Variants in HMG20A observed in about 807,000 individuals in gnomAD.
HMG20A encodes the protein high mobility group 20A, also known as high mobility group protein 20A.
Under a neutral mutation model 43.9 loss-of-function variants are expected in HMG20A, and 17 were observed. The ratio of observed to expected loss-of-function variants is 0.39; its 90% CI spans 0.27 to 0.58. The LOEUF (loss-of-function observed/expected upper bound fraction) is 0.58, where lower values mean the gene tolerates loss of function less well. Among genes scored for constraint, HMG20A ranks in the 20% least tolerant of loss-of-function variants. The pLI, the probability that HMG20A is intolerant of heterozygous loss-of-function variation, is 0.59. For missense variants in HMG20A, 341 were observed against 438.2 expected (o/e 0.78, Z 1.98); for synonymous variants, 132 against 147.5 (o/e 0.89, Z 0.76).
chr15:77,495,952 G>A, the HMG20A span, among the ~76,000 whole-genome samples: 6 of 152,140 alleles, frequency 3.9e-5, no homozygotes, highest in South Asian at 2.1e-4. Flanking sequence ...GCTGCCTCAC[G>A]TCCTGAACCT....
At chr15:77,477,532 G>A (rs1301697904) in intron 6 of HMG20A, 23 bp from the exon 7 acceptor site, 2 of 1,540,242 alleles carry the variant, frequency 1.3e-6, no homozygotes, top group Admixed American at 1.7e-5. Context: ...AGAATTAACT[G>A]TTTTGTTCCT....
chr15:77,520,036 T>C, the HMG20A span, among the ~76,000 whole-genome samples: 3 of 152,040 alleles, frequency 2.0e-5, no homozygotes, highest in Admixed American at 2.0e-4. Context: ...CCGTCTCTAC[T>C]AAAACTACAA....
At position 77,485,240 on chromosome 15, in the gene HMG20A, TGCTCAGTGA is replaced by T. The variant is rs1381527851; in HGVS notation, c.*2279_*2287del. 1 of 152,676 alleles carries T rather than the reference TGCTCAGTGA, an allele frequency of 6.5e-6. No individual in the cohort carries two copies. Among genetic ancestry groups the T allele is most frequent in the Non-Finnish European group, 1.5e-5 (1 of 68,052 alleles). 9.5% of individuals were successfully genotyped at this position (152,676 alleles called of 1,614,324 possible). A position where few individuals can be genotyped will look rare whatever the true frequency, so the allele number is the denominator to read the frequency against. ...TCTGTGCCACCTCCTCTCTCCTCTGTGCTCAGTGAGGAGGCAGTAAATGAAGTTACAGGC... is the reference window on the plus strand; with the variant it reads ...TCTGTGCCACCTCCTCTCTCCTCTGTGGAGGCAGTAAATGAAGTTACAGGC... On this transcript the variant is annotated 3_prime_UTR_variant, in exon 10 of 10. Coordinates refer to ENST00000336216, the MANE Select transcript of HMG20A (RefSeq NM_001304504.2).
At chr15:77,456,446 C>T (rs1448695214) in intron 1 of HMG20A, among the ~76,000 whole-genome samples, 4 of 151,876 alleles carry the variant, frequency 2.6e-5, no homozygotes, top group African/African-American at 7.3e-5. Flanking sequence ...TTTGGGAGGC[C>T]GAAGTGGGCG....
At chr15:77,462,107 A>G (rs2072710177) in intron 2 of HMG20A, among the ~76,000 whole-genome samples, 1 of 152,164 alleles carries the variant, frequency 6.6e-6, no homozygotes, top group Non-Finnish European at 1.5e-5. Flanking sequence ...GTTTTCATCC[A>G]TTTCTCGGTC....
chr15:77,464,597 T>C (rs1287279948), intron 3 of HMG20A: 1 of 422,616 alleles, frequency 2.4e-6, no homozygotes, highest in African/African-American at 2.0e-5. Flanking sequence ...CCCTGTTCCC[T>C]AAGAAATGTA....
intron 6 of HMG20A, among the ~76,000 whole-genome samples, chr15:77,475,487 G>A (rs1292957425): frequency 6.6e-6 from 1 of 152,218 alleles, no homozygotes; most frequent in African/African-American, 2.4e-5. Context: ...GACTTTGGAG[G>A]AGAGGGATCT....
At chr15:77,510,501 A>G in the HMG20A span, among the ~76,000 whole-genome samples, 3 of 152,206 alleles carry the variant, frequency 2.0e-5, no homozygotes, top group African/African-American at 4.8e-5. Flanking sequence ...AGGAAGCTGT[A>G]CTCAGCTAAG....
chr15:77,494,427 G>T, the HMG20A span, among the ~76,000 whole-genome samples: 1 of 152,084 alleles, frequency 6.6e-6, no homozygotes, highest in Non-Finnish European at 1.5e-5. Flanking sequence ...CACCATACCC[G>T]GCCCCTACTG....
the HMG20A span, among the ~76,000 whole-genome samples, chr15:77,507,892 G>A: frequency 6.6e-6 from 1 of 150,948 alleles, no homozygotes; most frequent in Non-Finnish European, 1.5e-5. Context: ...GGGCGGTGCT[G>A]AGCGTAGGTC....
intron 1 of HMG20A, 114 bp from the exon 2 acceptor site, chr15:77,458,289 GT>G: frequency 1.5e-6 from 1 of 655,018 alleles, no homozygotes; most frequent in East Asian, 2.8e-5. Flanking sequence ...ATTTAGGTCA[GT>G]TTTTATTCTG....
chr15:77,436,676 C>G (rs2073552419), intron 1 of HMG20A, among the ~76,000 whole-genome samples: 1 of 152,068 alleles, frequency 6.6e-6, no homozygotes, highest in African/African-American at 2.4e-5. Flanking sequence ...CCAGGCTTGT[C>G]TCAAACTCCC....
chr15:77,511,292 T>TAC, the HMG20A span, among the ~76,000 whole-genome samples: 1 of 151,990 alleles, frequency 6.6e-6, no homozygotes, highest in African/African-American at 2.4e-5. Context: ...CACACACAAA[T>TAC]ACACACACAC....
Position 77,470,977 on chromosome 15 carries a change from CAG to C in HMG20A, c.521_522del (p.Glu174GlyfsTer7). 6.2e-7 allele frequency: 1 copy of C among 1,613,230 alleles called. No individual in the cohort carries two copies. The highest frequency in any genetic ancestry group is 8.5e-7 in the Non-Finnish European group (1 of 1,179,614). On this transcript the variant is annotated frameshift_variant, in exon 5 of 10. Transcript: ENST00000336216. LOFTEE classifies it high-confidence loss of function. ...AAGGAACTGGAACAGTATCAGAAAACAGAGGCCTACAAGGTCTTCAGTAGGAA... is the reference window on the plus strand; with the variant it reads ...AAGGAACTGGAACAGTATCAGAAAACAGGCCTACAAGGTCTTCAGTAGGAA...
intron 3 of HMG20A, among the ~76,000 whole-genome samples, chr15:77,465,772 T>C (rs2072751638): frequency 6.6e-6 from 1 of 152,246 alleles, no homozygotes; most frequent in African/African-American, 2.4e-5. Context: ...TGGTGAATTA[T>C]ACCATTTTAT....
intron 1 of HMG20A, among the ~76,000 whole-genome samples, chr15:77,441,153 G>T (rs1213756864): frequency 2.0e-5 from 3 of 151,992 alleles, no homozygotes; most frequent in Non-Finnish European, 2.9e-5. Context: ...TCATTTATAG[G>T]ATAAGAAAAC....
chr15:77,431,314 C>T (rs1479092079), intron 1 of HMG20A, among the ~76,000 whole-genome samples: 2 of 152,074 alleles, frequency 1.3e-5, no homozygotes, highest in Admixed American at 6.6e-5. Context: ...TGTGTTCAAG[C>T]GATTCTCCTG....
At chr15:77,470,185 G>A (rs943567926) in intron 4 of HMG20A, among the ~76,000 whole-genome samples, 2 of 152,108 alleles carry the variant, frequency 1.3e-5, no homozygotes, top group Non-Finnish European at 2.9e-5. Context: ...TTCTGAGTGT[G>A]TTTTCTGTTC....
rs889172637 is a variant in HMG20A, at chr15:77,484,056, C to G, written c.*1093C>G. 3.9e-5 allele frequency: 6 copies of G among 152,226 alleles called. No homozygotes were observed. Among genetic ancestry groups the G allele is most frequent in the African/African-American group, 7.2e-5 (3 of 41,468 alleles). 9.4% of individuals were successfully genotyped at this position (152,226 alleles called of 1,614,324 possible). On this transcript the variant is annotated 3_prime_UTR_variant, in exon 10 of 10. Transcript: ENST00000336216. The stretch of plus-strand genomic sequence containing the variant: ...GAAGACAGGCTTCCCTTCCTTCCCC[C>G]TCCTTAGTGATTTTTTCTTTAACAG...
Sources: allele counts gnomAD v4.1 joint callset (sites outside exome capture counted in the v4.1 genomes callset), GRCh38; gene constraint gnomAD v4.1.1; transcripts MANE v1.5; gene names NCBI Gene and HGNC (gene_info 2026-07-23, HGNC 2026-07-21).